CCDC125: variants seen among roughly 807,000 people sequenced by gnomAD.
The protein encoded by CCDC125 is coiled-coil domain containing 125.
Under a neutral mutation model 57.4 loss-of-function variants are expected in CCDC125, and 43 were observed. That is an observed-to-expected ratio of 0.75 (90% CI 0.59 to 0.97). The LOEUF (loss-of-function observed/expected upper bound fraction) is 0.97. Ranked by LOEUF, CCDC125 falls within the 50% of genes least tolerant of loss-of-function variation. The pLI is 0.00. For missense variants in CCDC125, 563 were observed against 595.7 expected, an observed-to-expected ratio of 0.95 and a Z score of 0.57; for synonymous variants, 187 against 195.2, an observed-to-expected ratio of 0.96 and a Z score of 0.35.
chr5:69,329,291 G>A (rs2150686330), intron 1 of CCDC125, among the ~76,000 whole-genome samples: 1 of 151,964 alleles, frequency 6.6e-6, no homozygotes, highest in Non-Finnish European at 1.5e-5. Context: ...AGCCTCCCGA[G>A]TAGCTGGGAC....
Position 69,294,786 on chromosome 5 carries a change from G to T in CCDC125, c.924+7C>A, listed in dbSNP as rs200704140. The stretch of plus-strand genomic sequence containing the variant: ...CTAAAGCTTTTGCTGTTGTGATAAC[G>T]CAATACCTCTTGTTTGAGCTGAAGA... On this transcript the variant is annotated splice_region_variant and intron_variant, in intron 9 of 11. Transcript: ENST00000396496. 1.3e-6 allele frequency: 2 copies of T among 1,596,252 alleles called. No individual in the cohort carries two copies. The highest frequency in any genetic ancestry group is 1.7e-5 in the Admixed American group (1 of 59,322).
intron 7 of CCDC125, among the ~76,000 whole-genome samples, chr5:69,302,507 C>T (rs761837394): frequency 1.9e-4 from 27 of 143,938 alleles, no homozygotes; most frequent in Non-Finnish European, 3.6e-4. Context: ...GGGCGGATCA[C>T]GAGGTCAGGA....
chr5:69,294,645 A>G (rs1755032604), intron 9 of CCDC125, 148 bp downstream of exon 9: 1 of 691,686 alleles, frequency 1.4e-6, no homozygotes, highest in African/African-American at 1.8e-5. Context: ...AATCCAGTTG[A>G]TAAGTTGATG....
At chr5:69,317,555 G>A (rs967601061) in intron 2 of CCDC125, among the ~76,000 whole-genome samples, 3 of 152,106 alleles carry the variant, frequency 2.0e-5, no homozygotes, top group Non-Finnish European at 4.4e-5. Flanking sequence ...ATTTGTGTTT[G>A]TTCAACTTTG....
chr5:69,327,153 G>C (rs1175578693), intron 1 of CCDC125, among the ~76,000 whole-genome samples: 3 of 149,306 alleles, frequency 2.0e-5, no homozygotes, highest in South Asian at 2.1e-4. Flanking sequence ...GGAGTGCCCT[G>C]GCGAGATCTC....
intron 4 of CCDC125, 31 bp downstream of exon 4, chr5:69,311,086 TA>T: frequency 7.1e-7 from 1 of 1,398,706 alleles, no homozygotes; most frequent in Non-Finnish European, 1.0e-6. Context: ...TTGGAATGTG[TA>T]AATGGTGAAA....
downstream of CCDC125, among the ~76,000 whole-genome samples, chr5:69,279,244 C>T (rs1752349326): frequency 6.9e-6 from 1 of 145,878 alleles, no homozygotes; most frequent in Non-Finnish European, 1.5e-5. Flanking sequence ...GTCGCCCAGG[C>T]TGGAGTGCAG....
intron 2 of CCDC125, among the ~76,000 whole-genome samples, chr5:69,317,190 T>C (rs1759247486): frequency 6.6e-6 from 1 of 152,074 alleles, no homozygotes; most frequent in Non-Finnish European, 1.5e-5. Context: ...TTTGTATTTT[T>C]AGTAGAGACG....
At chr5:69,311,230 TCCTATCTGCAAGATATGCAA>T in intron 3 of CCDC125, 26 bp from the exon 4 acceptor site, 5 of 1,422,494 alleles carry the variant, frequency 3.5e-6, no homozygotes, top group Non-Finnish European at 4.9e-6. Context: ...AAATTAGTCT[TCCTATCTGCAAGATATGCAA>T]CCCTAAAATT....
At chr5:69,278,372 ATTTTTTTTT>A (rs35559096), downstream of CCDC125, among the ~76,000 whole-genome samples, 1 of 139,080 alleles carries the variant, frequency 7.2e-6, no homozygotes, top group African/African-American at 2.7e-5. Flanking sequence ...CGCCTGGCTA[ATTTTTTTTT>A]TTTTTGTATT....
At chr5:69,316,820 G>C (rs1206366423) in intron 2 of CCDC125, among the ~76,000 whole-genome samples, 3 of 152,096 alleles carry the variant, frequency 2.0e-5, no homozygotes, top group Admixed American at 6.5e-5. Flanking sequence ...GCCTGTTTGG[G>C]ACTTCTGACC....
At chr5:69,315,249 CT>C (rs1758826365) in intron 2 of CCDC125, among the ~76,000 whole-genome samples, 2 of 132,638 alleles carry the variant, frequency 1.5e-5, no homozygotes. Flanking sequence ...GAGCAAGGCT[CT>C]GTCTCGAAAA....
At chr5:69,306,389 C>A (rs142874827) in intron 6 of CCDC125, among the ~76,000 whole-genome samples, 377 of 152,172 alleles carry the variant, frequency 2.5e-3, no homozygotes, top group African/African-American at 8.7e-3. Flanking sequence ...AGTGCAGTGG[C>A]GCAATCATGG....
At chr5:69,278,679 A>G (rs1033859668), downstream of CCDC125, among the ~76,000 whole-genome samples, 1 of 148,804 alleles carries the variant, frequency 6.7e-6, no homozygotes, top group Non-Finnish European at 1.5e-5. Flanking sequence ...AAAATTGTAT[A>G]TAAATTGATA....
chr5:69,285,946 G>A (rs746233113), intron 10 of CCDC125, among the ~76,000 whole-genome samples: 7 of 151,838 alleles, frequency 4.6e-5, no homozygotes, highest in Non-Finnish European at 7.4e-5. Flanking sequence ...ATGACCTCGG[G>A]TGACTTTTCT....
intron 11 of CCDC125, among the ~76,000 whole-genome samples, chr5:69,284,091 G>A (rs565851030): frequency 1.3e-4 from 20 of 151,410 alleles, no homozygotes; most frequent in African/African-American, 2.4e-4. Context: ...GCCCAGCCCC[G>A]ACGATTATTT....
chr5:69,309,482 G>A (rs542294620), intron 4 of CCDC125: 2 of 152,358 alleles, frequency 1.3e-5, no homozygotes, highest in East Asian at 3.9e-4. Flanking sequence ...ATGATGTTGA[G>A]CCTGCAGGTG....
At chr5:69,284,270 G>A (rs944126537) in intron 11 of CCDC125, among the ~76,000 whole-genome samples, 1 of 152,066 alleles carries the variant, frequency 6.6e-6, no homozygotes, top group South Asian at 2.1e-4. Flanking sequence ...TAATGTTGAA[G>A]TTATTTGTAT....
intron 9 of CCDC125, among the ~76,000 whole-genome samples, 156 bp from the exon 10 acceptor site, chr5:69,292,518 G>A (rs1028817227): frequency 1.3e-5 from 2 of 152,140 alleles, no homozygotes; most frequent in Non-Finnish European, 2.9e-5. Context: ...ATTAATGCTT[G>A]CTATTTCTGC....
Sources: allele counts gnomAD v4.1 joint callset (sites outside exome capture counted in the v4.1 genomes callset), GRCh38; gene constraint gnomAD v4.1.1; transcripts MANE v1.5; gene names NCBI Gene and HGNC (gene_info 2026-07-23, HGNC 2026-07-21).